Variants in ZNF536 observed in about 807,000 individuals in gnomAD.
The protein encoded by ZNF536 is zinc finger protein 536.
Under a neutral mutation model 84.5 loss-of-function variants are expected in ZNF536, and 13 were observed. The ratio of observed to expected loss-of-function variants is 0.15; its 90% CI spans 0.10 to 0.24. The LOEUF (loss-of-function observed/expected upper bound fraction) is 0.24, where lower values mean the gene tolerates loss of function less well. ZNF536 is among the 10% of genes least tolerant of loss of function. The pLI is 1.00. For synonymous variants in ZNF536, 811 were observed against 742.5 expected (o/e 1.09, Z -1.50); for missense variants, 1,536 against 1,747.5 (o/e 0.88, Z 2.16).
intron 2 of ZNF536, among the ~76,000 whole-genome samples, chr19:30,503,158 T>C (rs924296225): frequency 6.2e-5 from 9 of 145,138 alleles, no homozygotes; most frequent in African/African-American, 2.2e-4. Context: ...CATGTGTGTA[T>C]GCACACACAC....
chr19:30,678,604 T>G (rs2050842796), intron 1 of ZNF536, among the ~76,000 whole-genome samples: 1 of 152,172 alleles, frequency 6.6e-6, no homozygotes, highest in Non-Finnish European at 1.5e-5. Context: ...ATATTGCTCT[T>G]GAAACTGCAG....
chr19:30,255,442 CG>C (rs34918089), intron 1 of ZNF536, among the ~76,000 whole-genome samples: 47,422 of 151,952 alleles, frequency 0.31, 9,125 homozygotes, highest in East Asian at 0.61. Context: ...CTAAAGAACA[CG>C]GGTTCGGGTG....
intron 2 of ZNF536, among the ~76,000 whole-genome samples, chr19:30,477,655 CTG>C (rs2053907286): frequency 6.6e-6 from 1 of 152,170 alleles, no homozygotes; most frequent in South Asian, 2.1e-4. Context: ...CTGACAGGGG[CTG>C]TGTCTGTCCC....
At chr19:30,504,941 C>T (rs2055105327) in intron 2 of ZNF536, among the ~76,000 whole-genome samples, 1 of 151,326 alleles carries the variant, frequency 6.6e-6, no homozygotes, top group Non-Finnish European at 1.5e-5. Context: ...ATATTTTAAC[C>T]TGACTAGTAA....
intron 1 of ZNF536, among the ~76,000 whole-genome samples, chr19:30,389,305 G>T (rs1405003575): frequency 6.6e-6 from 1 of 152,160 alleles, no homozygotes; most frequent in Non-Finnish European, 1.5e-5. Flanking sequence ...TTGGGGAGAG[G>T]TTTCCTGGGA....
intron 1 of ZNF536, among the ~76,000 whole-genome samples, chr19:30,662,956 T>C (rs1017976653): frequency 2.0e-5 from 3 of 149,926 alleles, no homozygotes; most frequent in Admixed American, 2.0e-4. Flanking sequence ...TTTTTCTTTT[T>C]CGTTTCTTTT....
intron 2 of ZNF536, among the ~76,000 whole-genome samples, chr19:30,481,679 T>C (rs1176003457): frequency 6.6e-6 from 1 of 152,242 alleles, no homozygotes; most frequent in Admixed American, 6.5e-5. Context: ...TTTATTTTCA[T>C]TTTTTATTTC....
At chr19:30,240,958 G>A (rs1347118587) in intron 1 of ZNF536, among the ~76,000 whole-genome samples, 1 of 152,200 alleles carries the variant, frequency 6.6e-6, no homozygotes, top group African/African-American at 2.4e-5. Flanking sequence ...ACATAACAGT[G>A]AACAAACCGA....
intron 1 of ZNF536, among the ~76,000 whole-genome samples, chr19:30,671,637 A>T (rs2050556565): frequency 1.3e-5 from 2 of 152,124 alleles, no homozygotes; most frequent in African/African-American, 4.8e-5. Flanking sequence ...CAGTGACCAG[A>T]GGTGAGGAGG....
At chr19:30,379,785 G>A (rs2048954167) in intron 1 of ZNF536, among the ~76,000 whole-genome samples, 1 of 152,056 alleles carries the variant, frequency 6.6e-6, no homozygotes, top group Non-Finnish European at 1.5e-5. Context: ...GGGTGCTGAT[G>A]CAGCTTTGCA....
At chr19:30,618,077 C>T (rs2048365161) in intron 1 of ZNF536, among the ~76,000 whole-genome samples, 1 of 152,184 alleles carries the variant, frequency 6.6e-6, no homozygotes, top group Non-Finnish European at 1.5e-5. Flanking sequence ...ACTTGATTAG[C>T]GATGAGTTAA....
chr19:30,642,386 G>A (rs1350611864), intron 1 of ZNF536, among the ~76,000 whole-genome samples: 3 of 152,112 alleles, frequency 2.0e-5, no homozygotes, highest in Non-Finnish European at 4.4e-5. Flanking sequence ...CCTTCCCTGG[G>A]GGTTGACAGT....
At chr19:30,513,396 C>A (rs2055500115) in intron 2 of ZNF536, among the ~76,000 whole-genome samples, 1 of 152,090 alleles carries the variant, frequency 6.6e-6, no homozygotes, top group Non-Finnish European at 1.5e-5. Flanking sequence ...ACAGCAGGCA[C>A]CTTTTTCTGG....
At chr19:30,349,513 G>A (rs766417409) in intron 2 of ZNF536, among the ~76,000 whole-genome samples, 4 of 152,074 alleles carry the variant, frequency 2.6e-5, no homozygotes, top group South Asian at 2.1e-4. Context: ...CCTATGCCTC[G>A]GAGTCCCACC....
rs34324485 is a variant in ZNF536, at chr19:30,609,773, CCCAT to C, written c.169+60292_169+60295del. ...ATCCACCTATCCATCCACCCATCTA[CCCAT>C]CCATCCATCCATCCATCCATCCATC... is the stretch of plus-strand genomic sequence containing the variant. On this transcript the variant is annotated intron_variant, in intron 1 of 1. Transcript: ENST00000592773. Among the ~76,000 whole-genome samples, 9 of 136,848 alleles carry C rather than the reference CCCAT, an allele frequency of 6.6e-5. No individual in the cohort carries two copies. The South Asian group carries it at 7.2e-4, about 11-fold the overall frequency. 89.8% of individuals were successfully genotyped at this position (136,848 alleles called of 152,430 possible). A position where few individuals can be genotyped will look rare whatever the true frequency, so the allele number is the denominator to read the frequency against.
intron 2 of ZNF536, among the ~76,000 whole-genome samples, chr19:30,292,452 G>A (rs1391473839): frequency 1.3e-5 from 2 of 151,618 alleles, no homozygotes; most frequent in Non-Finnish European, 2.9e-5. Flanking sequence ...TCTTGTCTCA[G>A]CCTCCCAAGT....
intron 1 of ZNF536, among the ~76,000 whole-genome samples, chr19:30,684,272 C>T (rs932172997): frequency 2.6e-5 from 4 of 152,180 alleles, no homozygotes; most frequent in African/African-American, 4.8e-5. Flanking sequence ...GTAACTGGGA[C>T]GACAGATGCA....
intron 2 of ZNF536, among the ~76,000 whole-genome samples, chr19:30,532,738 A>G (rs1270680894): frequency 6.6e-6 from 1 of 152,206 alleles, no homozygotes; most frequent in Non-Finnish European, 1.5e-5. Flanking sequence ...GCCACTGTCT[A>G]AAGCTAGGGT....
At chr19:30,662,892 T>C (rs1193314767) in intron 1 of ZNF536, among the ~76,000 whole-genome samples, 1 of 150,998 alleles carries the variant, frequency 6.6e-6, no homozygotes, top group Non-Finnish European at 1.5e-5. Context: ...ATGGAAATAA[T>C]AAGTCCTCCT....
Sources: gnomAD v4.1 joint callset for allele counts (sites outside exome capture counted in the v4.1 genomes callset) on GRCh38, gnomAD v4.1.1 for gene constraint, MANE v1.5 for transcripts, NCBI Gene and HGNC (gene_info 2026-07-23, HGNC 2026-07-21) for gene names.